The following ERP27 variants were observed in gnomAD, a reference collection of about 807,000 sequenced individuals.
The protein encoded by ERP27 is endoplasmic reticulum protein 27.
Under a neutral mutation model 27.7 loss-of-function variants are expected in ERP27, and 23 were observed. That is an observed-to-expected ratio of 0.83 (90% confidence interval 0.60 to 1.18). The LOEUF is 1.18. ERP27 is among the 50% of genes most tolerant of loss of function. ERP27 has a pLI of 0.00. For synonymous variants in ERP27, 159 were observed against 118.3 expected, an observed-to-expected ratio of 1.34 and a Z score of -2.23; for missense variants, 363 against 327.9, an observed-to-expected ratio of 1.11 and a Z score of -0.83.
chr12:14,924,533 C>T (rs927318748), intron 3 of ERP27, among the ~76,000 whole-genome samples: 12 of 152,074 alleles, frequency 7.9e-5, no homozygotes, highest in African/African-American at 1.4e-4. Flanking sequence ...TCCACACCAG[C>T]GTTTGTTATT....
In ERP27 at chr12:14,915,480, C is replaced by T. The variant is rs773292535; in HGVS notation, c.774+9G>A. The T allele has an allele frequency of 2.5e-6, 4 of 1,613,402 alleles. No individual in the cohort carries two copies. Among genetic ancestry groups the T allele is most frequent in the Non-Finnish European group, 3.4e-6 (4 of 1,179,456 alleles). On this transcript the variant is annotated intron_variant, in intron 6 of 6. Coordinates refer to ENST00000266397, the MANE Select transcript of ERP27 (RefSeq NM_152321.4). ...AAACAATTTGCTTTACCTGCAGTCT[C>T]ACACTTACCAACAATTTTCCACTTA...
chr12:14,938,349 A>G, intron 1 of ERP27, 66 bp downstream of exon 1: 1 of 1,496,226 alleles, frequency 6.7e-7, no homozygotes, highest in Non-Finnish European at 9.3e-7. Flanking sequence ...GAGAACCACC[A>G]TGCTCCCTTT....
intron 2 of ERP27, among the ~76,000 whole-genome samples, chr12:14,937,674 T>C (rs1863791647): frequency 6.6e-6 from 1 of 152,222 alleles, no homozygotes; most frequent in African/African-American, 2.4e-5. Flanking sequence ...GCATTCTTTC[T>C]GCAGATACTG....
intron 3 of ERP27, among the ~76,000 whole-genome samples, chr12:14,929,957 T>G (rs545410151): frequency 4.4e-4 from 65 of 146,636 alleles, no homozygotes; most frequent in African/African-American, 1.6e-3. Context: ...ATATATACTT[T>G]AAAAAAAAGT....
intron 3 of ERP27, among the ~76,000 whole-genome samples, chr12:14,925,208 G>A (rs1440088820): frequency 6.6e-6 from 1 of 152,118 alleles, no homozygotes; most frequent in Non-Finnish European, 1.5e-5. Flanking sequence ...CTCTCTTGAG[G>A]TCTGGATCAG....
intron 2 of ERP27, among the ~76,000 whole-genome samples, chr12:14,937,372 C>T (rs945119394): frequency 3.9e-5 from 6 of 152,068 alleles, no homozygotes; most frequent in African/African-American, 1.2e-4. Flanking sequence ...TTTATGGCTG[C>T]CTTTCTTAGT....
At chr12:14,930,134 A>C (rs1863676660) in intron 3 of ERP27, among the ~76,000 whole-genome samples, 1 of 152,140 alleles carries the variant, frequency 6.6e-6, no homozygotes, top group African/African-American at 2.4e-5. Context: ...TACACGATAT[A>C]ACAAACCTTC....
chr12:14,919,320 C>T (rs561667196), intron 4 of ERP27, among the ~76,000 whole-genome samples: 3 of 152,250 alleles, frequency 2.0e-5, no homozygotes, highest in Non-Finnish European at 4.4e-5. Flanking sequence ...AAAAAAGATA[C>T]GTCATTGCTC....
intron 3 of ERP27, among the ~76,000 whole-genome samples, chr12:14,930,432 A>C (rs1001945641): frequency 1.3e-5 from 2 of 152,216 alleles, no homozygotes; most frequent in African/African-American, 4.8e-5. Context: ...TGACTGAAAA[A>C]ATCCAAAGCA....
chr12:14,931,317 C>A (rs1293508817), intron 3 of ERP27, among the ~76,000 whole-genome samples: 2 of 145,556 alleles, frequency 1.4e-5, no homozygotes, highest in African/African-American at 2.6e-5. Context: ...AATAGGTTCA[C>A]GTTTCCCAGT....
At chr12:14,924,391 A>G (rs988932695) in intron 3 of ERP27, among the ~76,000 whole-genome samples, 8 of 152,206 alleles carry the variant, frequency 5.3e-5, no homozygotes, top group African/African-American at 1.7e-4. Context: ...TTGGATGTAT[A>G]TCCAATAGTG....
At position 14,914,571 on chromosome 12, in the gene ERP27, T is replaced by TGC. The variant is rs1404601045; in HGVS notation, c.*163_*164insGC. 9.2e-6 allele frequency: 5 copies of TGC among 543,336 alleles called. No homozygotes were observed. The African/African-American group carries it at 1.1e-4, about 12-fold the overall frequency. The allele number at this position is 543,336 out of a possible 1,614,324, so 33.7% of individuals were successfully genotyped here. On this transcript the variant is annotated 3_prime_UTR_variant, in exon 7 of 7. Transcript: ENST00000266397. ...GGAAATGAAGCTCTGTGTGTGTGTG[T>TGC]GTGTGTGCGTGTGTGTGTGCACGCG... is the stretch of plus-strand genomic sequence containing the variant.
chr12:14,923,032 C>A (rs538612635), intron 3 of ERP27, among the ~76,000 whole-genome samples: 4 of 149,670 alleles, frequency 2.7e-5, no homozygotes, highest in Non-Finnish European at 4.4e-5. Context: ...CGAGAACGTG[C>A]CATTGCACTC....
At chr12:14,925,540 A>C (rs1187438062) in intron 3 of ERP27, among the ~76,000 whole-genome samples, 1 of 152,040 alleles carries the variant, frequency 6.6e-6, no homozygotes, top group Non-Finnish European at 1.5e-5. Context: ...TCTCTAAACT[A>C]TTAGTTATTT....
chr12:14,929,669 A>T (rs1313707608), intron 3 of ERP27, among the ~76,000 whole-genome samples: 2 of 152,212 alleles, frequency 1.3e-5, no homozygotes, highest in East Asian at 1.9e-4. Flanking sequence ...GAGTTTCCTC[A>T]AGAGTATCTG....
At chr12:14,934,751 C>T in intron 3 of ERP27, 105 bp downstream of exon 3, 5 of 1,375,344 alleles carry the variant, frequency 3.6e-6, no homozygotes, top group African/African-American at 1.4e-5. Context: ...AATTTGGTAC[C>T]ATCATTAGTG....
chr12:14,933,024 G>C (rs1293065721), intron 3 of ERP27, among the ~76,000 whole-genome samples: 4 of 152,208 alleles, frequency 2.6e-5, no homozygotes, highest in African/African-American at 9.7e-5. Flanking sequence ...TGTTCCGCAA[G>C]CACATAATAG....
intron 3 of ERP27, among the ~76,000 whole-genome samples, chr12:14,927,359 A>G (rs568082127): frequency 1.1e-4 from 16 of 151,968 alleles, no homozygotes; most frequent in South Asian, 4.2e-4. Flanking sequence ...ATATATATAT[A>G]TATATCTAAA....
At chr12:14,918,602 G>A (rs1217282174) in intron 4 of ERP27, among the ~76,000 whole-genome samples, 2 of 152,168 alleles carry the variant, frequency 1.3e-5, no homozygotes, top group Non-Finnish European at 2.9e-5. Context: ...TACAAAACTA[G>A]TGTGTACACA....
Sources: allele counts gnomAD v4.1 joint callset (sites outside exome capture counted in the v4.1 genomes callset), GRCh38; gene constraint gnomAD v4.1.1; transcripts MANE v1.5; gene names NCBI Gene and HGNC (gene_info 2026-07-23, HGNC 2026-07-21).